Variants in IQCK observed in about 807,000 individuals in gnomAD.
The protein encoded by IQCK is IQ domain-containing protein K.
IQCK carries 29 observed loss-of-function variants against 28.1 expected under a neutral mutation model. The ratio of observed to expected loss-of-function variants is 1.03; its 90% CI spans 0.77 to 1.41. IQCK has a LOEUF of 1.41. Ranked by LOEUF, IQCK falls within the 40% of genes most tolerant of loss-of-function variation. The pLI is 0.00. For synonymous variants in IQCK, 113 were observed against 115.1 expected (o/e 0.98, Z 0.12); for missense variants, 359 against 314.7 (o/e 1.14, Z -1.07).
chr16:19,742,362 G>A (rs368706520), intron 4 of IQCK, among the ~76,000 whole-genome samples: 6 of 152,114 alleles, frequency 3.9e-5, no homozygotes, highest in East Asian at 1.9e-4. Flanking sequence ...ATGTTCCCCC[G>A]TCCCCGGTCA....
chr16:19,816,077 A>T (rs1054988688), intron 7 of IQCK, among the ~76,000 whole-genome samples: 2 of 152,188 alleles, frequency 1.3e-5, no homozygotes, highest in East Asian at 3.9e-4. Context: ...CAACTGTAAT[A>T]TATGAACTGC....
chr16:19,766,960 C>T (rs188430879), intron 6 of IQCK, among the ~76,000 whole-genome samples: 13 of 152,268 alleles, frequency 8.5e-5, no homozygotes, highest in Admixed American at 3.3e-4. Context: ...ATCTCAGCTA[C>T]TTGGGAGGCT....
intron 4 of IQCK, among the ~76,000 whole-genome samples, chr16:19,753,052 CAGAG>C (rs111298371): frequency 3.1e-4 from 46 of 148,518 alleles, no homozygotes; most frequent in East Asian, 7.9e-4. Context: ...TCAAGTGTAG[CAGAG>C]AGAGAGAGAG....
chr16:19,768,429 T>G (rs1408540603), intron 6 of IQCK, among the ~76,000 whole-genome samples: 1 of 152,180 alleles, frequency 6.6e-6, no homozygotes. Flanking sequence ...CCTGAGCTTT[T>G]GGGATAGATA....
At chr16:19,807,236 A>G (rs1190805743) in intron 7 of IQCK, among the ~76,000 whole-genome samples, 1 of 152,220 alleles carries the variant, frequency 6.6e-6, no homozygotes, top group Non-Finnish European at 1.5e-5. Flanking sequence ...TCAAGCCTTC[A>G]GATGATTGCA....
chr16:19,746,313 A>G (rs2151694908), intron 4 of IQCK, among the ~76,000 whole-genome samples: 1 of 150,920 alleles, frequency 6.6e-6, no homozygotes, highest in Non-Finnish European at 1.5e-5. Flanking sequence ...TCCATCCCCT[A>G]AGTAACTGTG....
At chr16:19,849,967 T>C (rs1223741775) in intron 9 of IQCK, among the ~76,000 whole-genome samples, 3 of 152,132 alleles carry the variant, frequency 2.0e-5, no homozygotes, top group Admixed American at 2.0e-4. Flanking sequence ...ATAATGGAAA[T>C]TTATAGGAAA....
chr16:19,747,736 C>G (rs895803711), intron 4 of IQCK, among the ~76,000 whole-genome samples: 2 of 152,098 alleles, frequency 1.3e-5, no homozygotes, highest in Admixed American at 6.6e-5. Context: ...TAAGAACATG[C>G]GATATTTGAC....
At chr16:19,763,722 C>T (rs906491150) in intron 4 of IQCK, 126 bp from the exon 5 acceptor site, 13 of 722,284 alleles carry the variant, frequency 1.8e-5, no homozygotes, top group South Asian at 1.7e-4. Context: ...GGATTACAGG[C>T]GTGAGCCACC....
At chr16:19,845,156 G>A (rs1488163346) in intron 9 of IQCK, among the ~76,000 whole-genome samples, 6 of 152,122 alleles carry the variant, frequency 3.9e-5, no homozygotes, top group Non-Finnish European at 8.8e-5. Flanking sequence ...ATCTGCCCTG[G>A]GTTCTGAGTC....
intron 4 of IQCK, among the ~76,000 whole-genome samples, chr16:19,756,911 A>AG (rs1367906833): frequency 3.2e-4 from 49 of 151,660 alleles, no homozygotes; most frequent in East Asian, 1.4e-3. Flanking sequence ...AAAAAAAAAA[A>AG]AAAGAAAGAG....
At chr16:19,824,386 C>T (rs759652910) in intron 7 of IQCK, among the ~76,000 whole-genome samples, 22 of 152,238 alleles carry the variant, frequency 1.4e-4, no homozygotes, top group Admixed American at 7.9e-4. Context: ...GTAATGTGAG[C>T]GATAGGGAGT....
intron 1 of IQCK, among the ~76,000 whole-genome samples, chr16:19,727,125 G>A (rs184755189): frequency 5.4e-4 from 77 of 142,066 alleles, no homozygotes; most frequent in African/African-American, 1.9e-3. Flanking sequence ...AGCAAGACTC[G>A]GTCTCAAAAA....
chr16:19,776,710 AAAAC>A lies in IQCK; in HGVS notation c.606-12118_606-12115del, dbSNP rs533139997. On this transcript the variant is annotated intron_variant, in intron 6 of 7. Transcript: ENST00000564186. ...GGTGATAGAGCGAGCCTCCGTCTCA[AAAAC>A]AAACAAACAGACAAACAAAAAACGA... Among the ~76,000 whole-genome samples, 12 of 152,304 alleles carry A rather than the reference AAAAC, an allele frequency of 7.9e-5. No homozygotes were observed. The South Asian group carries it at 1.5e-3, about 18-fold the overall frequency.
At chr16:19,830,079 A>G (rs2056211317), downstream of IQCK, among the ~76,000 whole-genome samples, 1 of 152,166 alleles carries the variant, frequency 6.6e-6, no homozygotes, top group Admixed American at 6.5e-5. Flanking sequence ...TGAGTCAATA[A>G]ACAAAGTTCC....
chr16:19,736,806 A>G (rs1190469588), intron 4 of IQCK, among the ~76,000 whole-genome samples: 2 of 152,038 alleles, frequency 1.3e-5, no homozygotes, highest in Non-Finnish European at 2.9e-5. Context: ...AAATGTGATC[A>G]AGGGTGAATG....
At chr16:19,814,856 C>A in intron 7 of IQCK, among the ~76,000 whole-genome samples, 1 of 146,662 alleles carries the variant, frequency 6.8e-6, no homozygotes, top group East Asian at 2.0e-4. Context: ...GGTGCAGTCA[C>A]ATTGACTGCA....
chr16:19,851,025 A>G (rs2056475122), intron 9 of IQCK, among the ~76,000 whole-genome samples: 1 of 152,198 alleles, frequency 6.6e-6, no homozygotes, highest in South Asian at 2.1e-4. Flanking sequence ...CCTGGTCTCA[A>G]TAAAAACGCG....
rs755840966 is a variant in IQCK at position 19,718,335 on chromosome 16, A to C, written c.29A>C (p.His10Pro). The stretch of plus-strand genomic sequence containing the variant: ...GCGGCACCGCGGCAAATCCCCAGCC[A>C]CATAGTGCGCCTCAAGCCCAGCTGC... The change falls in exon 1 of 8, where the codon CAC becomes CCC. Residue 10 changes from histidine to proline, a missense_variant. By Grantham distance (77) the His-to-Pro change is moderately conservative (BLOSUM62 -2). Coordinates refer to ENST00000564186, the Ensembl canonical transcript of IQCK. 11 of 1,609,924 alleles carry C rather than the reference A, an allele frequency of 6.8e-6. No homozygotes were observed. Among genetic ancestry groups the C allele is most frequent in the South Asian group, 4.4e-5 (4 of 90,224 alleles).
Sources: allele counts gnomAD v4.1 joint callset (sites outside exome capture counted in the v4.1 genomes callset), GRCh38; gene constraint gnomAD v4.1.1; transcripts MANE v1.5; gene names NCBI Gene and HGNC (gene_info 2026-07-23, HGNC 2026-07-21).